The following ADPRHL1 variants were observed in gnomAD, a reference collection of about 807,000 sequenced individuals.
ADPRHL1 encodes the protein inactive ADP-ribosyltransferase ARH2.
In ADPRHL1, 43 loss-of-function variants were observed where a neutral mutation model predicts 44.1. The observed-to-expected ratio is 0.98, with a 90% confidence interval of 0.76 to 1.26. The LOEUF is 1.26. Ranked by LOEUF, ADPRHL1 falls within the 50% of genes most tolerant of loss-of-function variation. The pLI is 0.00. For missense variants in ADPRHL1, 2,022 were observed against 2,496.9 expected, an observed-to-expected ratio of 0.81 and a Z score of 4.05; for synonymous variants, 878 against 1,017.4, an observed-to-expected ratio of 0.86 and a Z score of 2.61.
Position 113,403,781 on chromosome 13 carries a change from C to T in ADPRHL1, c.5501G>A (p.Arg1834Lys). Residue 1834 changes from arginine (R) to lysine (K), a missense_variant, in exon 8 of 8, where the codon AGG becomes AAG. Physicochemically the swap from Arg to Lys is conservative, Grantham distance 26. Coordinates refer to ENST00000612156, the MANE Select transcript of ADPRHL1 (RefSeq NM_001394807.1). ...GIAEGVDAAG[R>K]SGGSRSPAPR... ...GGCTGGGCTTCTGGACCCCCCACTC[C>T]TGCCAGCAGCATCCACTCCCTCAGC... 1 of 1,233,348 alleles carries T rather than the reference C, an allele frequency of 8.1e-7. No homozygotes were observed. Among genetic ancestry groups the T allele is most frequent in the Non-Finnish European group, 1.0e-6 (1 of 989,222 alleles). 76.4% of individuals were successfully genotyped at this position (1,233,348 alleles called of 1,614,324 possible). A position where few individuals can be genotyped will look rare whatever the true frequency, so the allele number is the denominator to read the frequency against.
At chr13:113,423,746 C>A (rs918869807) in intron 6 of ADPRHL1, among the ~76,000 whole-genome samples, 4 of 152,246 alleles carry the variant, frequency 2.6e-5, no homozygotes, top group African/African-American at 9.6e-5. Flanking sequence ...GAGCAGGATG[C>A]GAGCCCAGGA....
chr13:113,434,135 A>G (rs543211582), intron 2 of ADPRHL1, among the ~76,000 whole-genome samples: 1 of 152,310 alleles, frequency 6.6e-6, no homozygotes, highest in East Asian at 1.9e-4. Context: ...GATTTGCAGC[A>G]TGCTTTCAAC....
chr13:113,441,848 G>A lies in ADPRHL1; in HGVS notation c.379+2577C>T, dbSNP rs145638810. ...TGTCTCTGTCACGTTGTGTCCCGCCGCGTGGGTCCGTGTCACTATCACACT... is the reference window on the plus strand; with the variant it reads ...TGTCTCTGTCACGTTGTGTCCCGCCACGTGGGTCCGTGTCACTATCACACT... On this transcript the variant is annotated intron_variant, in intron 2 of 7. Coordinates refer to ENST00000612156, the MANE Select transcript of ADPRHL1 (RefSeq NM_001394807.1). This position sits in a 1 kb window ranked among gnomAD's most constrained non-coding sequence, Gnocchi z 6.0. 2.7e-4 allele frequency among the ~76,000 whole-genome samples: 41 copies of A among 150,960 alleles called. No homozygotes were observed. Among genetic ancestry groups the A allele is most frequent in the Middle Eastern group, 3.5e-3 (1 of 288 alleles).
intron 1 of ADPRHL1, chr13:113,448,940 G>A (rs2044160809): frequency 6.1e-6 from 6 of 985,438 alleles, no homozygotes; most frequent in Non-Finnish European, 7.2e-6. Context: ...GCATACCCGA[G>A]CAATGGCCGA....
At chr13:113,412,460 G>A (rs1008440367) in intron 7 of ADPRHL1, among the ~76,000 whole-genome samples, 3 of 152,242 alleles carry the variant, frequency 2.0e-5, no homozygotes, top group African/African-American at 7.2e-5. Flanking sequence ...TGACAGGCGT[G>A]AGCCACCGCG....
At chr13:113,450,786 T>A (rs2044172650) in intron 1 of ADPRHL1, among the ~76,000 whole-genome samples, 1 of 152,208 alleles carries the variant, frequency 6.6e-6, no homozygotes, top group African/African-American at 2.4e-5. Context: ...CAGAGCCAGG[T>A]GTACAGGATG....
In ADPRHL1 at chr13:113,403,482, G is replaced by C. The variant is rs1199969014; in HGVS notation, c.5800C>G (p.Leu1934Val). ...AAGCTCTGGGCTTTGTACTTGGCCA[G>C]GTGCCTGGACCTCCCGCGACGCTCG... ...EPERRGRSRH[L>V]AKYKAQSFRD... Residue 1934 changes from leucine (L) to valine (V), a missense_variant, in exon 8 of 8, where the codon CTG (leucine) becomes GTG (valine). Transcript: ENST00000612156. The C allele has an allele frequency of 8.1e-7, 1 of 1,231,976 alleles. No individual in the cohort carries two copies. Among genetic ancestry groups the C allele is most frequent in the African/African-American group, 1.6e-5 (1 of 64,372 alleles). 76.3% of individuals were successfully genotyped at this position (1,231,976 alleles called of 1,614,324 possible).
chr13:113,438,634 C>T (rs1161272908), intron 2 of ADPRHL1, among the ~76,000 whole-genome samples: 2 of 152,170 alleles, frequency 1.3e-5, no homozygotes, highest in Non-Finnish European at 2.9e-5. Flanking sequence ...GTAGAGGTTG[C>T]AGTGAGCCGA....
intron 3 of ADPRHL1, among the ~76,000 whole-genome samples, chr13:113,432,254 A>G (rs2044012602): frequency 6.6e-6 from 1 of 152,018 alleles, no homozygotes; most frequent in Non-Finnish European, 1.5e-5. Flanking sequence ...AGCTGGAAAC[A>G]CAGGTGCGTG....
Position 113,404,531 on chromosome 13 carries a change from G to A in ADPRHL1, c.4751C>T (p.Ala1584Val). 7.6e-7 allele frequency: 1 copy of A among 1,312,870 alleles called. No homozygotes were observed. The highest frequency in any genetic ancestry group is 9.6e-7 in the Non-Finnish European group (1 of 1,038,320). 81.3% of individuals were successfully genotyped at this position (1,312,870 alleles called of 1,614,324 possible). ...AATCTGCCCCTGAGCCCATTTCTGGGCCTGTCCCTGAACCTGTCCCTGGGC... is the reference window on the plus strand; with the variant it reads ...AATCTGCCCCTGAGCCCATTTCTGGACCTGTCCCTGAACCTGTCCCTGGGC... Reference protein sequence around the residue: ...GGAQGQVQGQAQKWAQGQIQG... With the variant: ...GGAQGQVQGQVQKWAQGQIQG... The change falls in exon 8 of 8, where the codon GCC becomes GTC. Residue 1584 changes from alanine (A) to valine (V), a missense_variant. Around this residue, in one of 8 missense-constraint regions of ADPRHL1, gnomAD observed 78 missense variants for 76.5 expected, o/e 1.02. Transcript: ENST00000612156.
At chr13:113,451,335 G>T in intron 1 of ADPRHL1, among the ~76,000 whole-genome samples, 1 of 152,078 alleles carries the variant, frequency 6.6e-6, no homozygotes. Flanking sequence ...GGAACAGCTC[G>T]TGTCCTCTGT....
intron 3 of ADPRHL1, among the ~76,000 whole-genome samples, chr13:113,433,239 C>G (rs138962360): frequency 6.6e-6 from 1 of 152,294 alleles, no homozygotes; most frequent in South Asian, 2.1e-4. Context: ...CTCCCTTGGC[C>G]GGCGGGTGGT....
chr13:113,428,943 G>C lies in ADPRHL1; in HGVS notation c.646+9C>G. On this transcript the variant is annotated intron_variant, in intron 4 of 7. Coordinates refer to ENST00000612156, the MANE Select transcript of ADPRHL1 (RefSeq NM_001394807.1). ...CTGAGTGCGGACTGGGGCCGGGGGA[G>C]CGGCTCACCTGCCGTGTGCCGGATG... 6.2e-7 allele frequency: 1 copy of C among 1,612,114 alleles called. No homozygotes were observed. Among genetic ancestry groups the C allele is most frequent in the Non-Finnish European group, 8.5e-7 (1 of 1,179,962 alleles).
Position 113,407,692 on chromosome 13 carries a change from C to A in ADPRHL1, c.1590G>T (p.Arg530=). 8.1e-7 allele frequency: 1 copy of A among 1,232,098 alleles called. No homozygotes were observed. The highest frequency in any genetic ancestry group is 1.0e-6 in the Non-Finnish European group (1 of 988,018). The allele number at this position is 1,232,098 out of a possible 1,614,324, so 76.3% of individuals were successfully genotyped here. Residue 530 remains arginine, a synonymous_variant, in exon 8 of 8, where the codon CGG becomes CGT. Coordinates refer to ENST00000612156, the MANE Select transcript of ADPRHL1 (RefSeq NM_001394807.1). ...GCAAGAGGCCCCTGGCGGCTTTGGG[C>A]CGCTCCACAGGGGGCTTCTCGCGTG... ...KEAREKPPVE[R]PKAARGLLPK...
intron 4 of ADPRHL1, among the ~76,000 whole-genome samples, chr13:113,426,603 C>T (rs182834384): frequency 2.0e-5 from 3 of 152,342 alleles, no homozygotes; most frequent in Admixed American, 6.5e-5. Flanking sequence ...TCAGGCCCTC[C>T]GAAACTCTGG....
chr13:113,415,750 CAAAAAAAAAA>C (rs71214119), intron 7 of ADPRHL1, among the ~76,000 whole-genome samples: 42 of 63,044 alleles, frequency 6.7e-4, no homozygotes, highest in African/African-American at 1.4e-3. Context: ...GACTCCATCT[CAAAAAAAAAA>C]AAAAAAAAAA....
At chr13:113,411,986 C>T (rs1424720389) in intron 7 of ADPRHL1, among the ~76,000 whole-genome samples, 3 of 152,220 alleles carry the variant, frequency 2.0e-5, no homozygotes, top group Non-Finnish European at 4.4e-5. Context: ...GGTCCCCGCC[C>T]CTCGTGGTAG....
Position 113,425,097 on chromosome 13 carries a change from ATT to A in ADPRHL1, c.727_728del (p.Asn243Ter), listed in dbSNP as rs2043958645. On this transcript the variant is annotated frameshift_variant, in exon 5 of 8. Coordinates refer to ENST00000612156, the MANE Select transcript of ADPRHL1 (RefSeq NM_001394807.1). LOFTEE classifies it high-confidence loss of function. ...EERKISKDSE[N>X]KAIFPDNYDA... is the part of the protein sequence containing the mutation. ...CATAATTGTCGGGGAAGATGGCTTT[ATT>A]TTCTGAGTCTTTACTGATTTTCCTC... 6.2e-7 allele frequency: 1 copy of A among 1,613,370 alleles called. No individual in the cohort carries two copies. Among genetic ancestry groups the A allele is most frequent in the Non-Finnish European group, 8.5e-7 (1 of 1,179,922 alleles).
In ADPRHL1 at chr13:113,407,192, C is replaced by G. The variant is rs754916054; in HGVS notation, c.2090G>C (p.Arg697Thr). 1 of 1,232,140 alleles carries G rather than the reference C, an allele frequency of 8.1e-7. No homozygotes were observed. 76.3% of individuals were successfully genotyped at this position (1,232,140 alleles called of 1,614,324 possible). A position where few individuals can be genotyped will look rare whatever the true frequency, so the allele number is the denominator to read the frequency against. The change falls in exon 8 of 8, where the codon AGG (arginine) becomes ACG (threonine). Residue 697 changes from arginine (R) to threonine (T), a missense_variant. By Grantham distance (71) the Arg-to-Thr change is moderately conservative. Around this residue, in one of 8 missense-constraint regions of ADPRHL1, gnomAD observed 1,221 missense variants for 1,517.8 expected, o/e 0.80. Transcript: ENST00000612156. ...KPVTPQVMAQ[R>T]DGHAVPSLAF... ...CAGCGAGGGGACAGCGTGGCCGTCC[C>G]TCTGAGCCATCACCTGGGGTGTCAC...
Sources: allele counts gnomAD v4.1 joint callset (sites outside exome capture counted in the v4.1 genomes callset), GRCh38; gene constraint gnomAD v4.1.1; regional missense constraint gnomAD v4.1.1; non-coding constraint Gnocchi (gnomAD v3.1); transcripts MANE v1.5; gene names NCBI Gene and HGNC (gene_info 2026-07-23, HGNC 2026-07-21).